CHCHD3: variants seen among roughly 807,000 people sequenced by gnomAD.
The protein encoded by CHCHD3 is coiled-coil-helix-coiled-coil-helix domain containing 3, also known as MICOS complex subunit MIC19.
Under a neutral mutation model 38.2 loss-of-function variants are expected in CHCHD3, and 20 were observed. The ratio of observed to expected loss-of-function variants is 0.52; its 90% CI spans 0.37 to 0.76. The LOEUF (loss-of-function observed/expected upper bound fraction) is 0.76. Among genes scored for constraint, CHCHD3 ranks in the 30% least tolerant of loss-of-function variants. CHCHD3 has a pLI of 0.00. For synonymous variants in CHCHD3, 82 were observed against 100.0 expected, an observed-to-expected ratio of 0.82 and a Z score of 1.07; for missense variants, 245 against 279.2, an observed-to-expected ratio of 0.88 and a Z score of 0.87.
chr7:132,975,181 C>T lies in CHCHD3; in HGVS notation c.357G>A (p.Lys119=). Residue 119 remains lysine (K), a synonymous_variant, in exon 4 of 8, where the codon AAG becomes AAA. Coordinates refer to ENST00000262570, the MANE Select transcript of CHCHD3 (RefSeq NM_017812.4). ...ERICSEEERA[K]AKHLARQLEE... is the part of the protein sequence containing the mutation. ...TTTTAATACTCACCAGGTGCTTTGC[C>T]TTAGCGCGTTCCTCCTCGCTACATA... 7 of 1,612,024 alleles carry T rather than the reference C, an allele frequency of 4.3e-6. No individual in the cohort carries two copies. Among genetic ancestry groups the T allele is most frequent in the East Asian group, 2.2e-5 (1 of 44,884 alleles).
chr7:132,992,641 C>T (rs1231823407), intron 3 of CHCHD3, among the ~76,000 whole-genome samples: 1 of 152,040 alleles, frequency 6.6e-6, no homozygotes, highest in Non-Finnish European at 1.5e-5. Flanking sequence ...ATTTTATACT[C>T]CTTATGTTAT....
At chr7:133,016,538 C>G (rs1296020925) in intron 3 of CHCHD3, among the ~76,000 whole-genome samples, 2 of 152,150 alleles carry the variant, frequency 1.3e-5, no homozygotes, top group Non-Finnish European at 2.9e-5. Context: ...TCCTGTTTAA[C>G]AGTTTGCTCC....
chr7:133,076,843 T>C (rs1278785449), intron 1 of CHCHD3, among the ~76,000 whole-genome samples: 1 of 152,182 alleles, frequency 6.6e-6, no homozygotes, highest in Non-Finnish European at 1.5e-5. Flanking sequence ...GACAAATAAA[T>C]CAGCCTCCTG....
chr7:133,015,672 T>G (rs1226734742), intron 3 of CHCHD3, among the ~76,000 whole-genome samples: 1 of 152,210 alleles, frequency 6.6e-6, no homozygotes, highest in East Asian at 1.9e-4. Flanking sequence ...AGTAATACTG[T>G]AGGGTGTTTA....
intron 4 of CHCHD3, among the ~76,000 whole-genome samples, chr7:132,923,432 C>G (rs1012166143): frequency 4.0e-5 from 6 of 151,894 alleles, no homozygotes; most frequent in African/African-American, 1.2e-4. Flanking sequence ...AGTAAATATG[C>G]CAAATATTCA....
chr7:133,048,007 T>G (rs2117494104), intron 2 of CHCHD3, among the ~76,000 whole-genome samples: 1 of 152,252 alleles, frequency 6.6e-6, no homozygotes, highest in African/African-American at 2.4e-5. Flanking sequence ...GAGAATCGCT[T>G]GAATGCGGGA....
intron 4 of CHCHD3, among the ~76,000 whole-genome samples, chr7:132,908,196 C>T (rs985279805): frequency 8.5e-5 from 13 of 152,246 alleles, no homozygotes; most frequent in Non-Finnish European, 1.5e-4. Context: ...TCTTGGTCTG[C>T]GGTTCAGAAT....
At chr7:133,016,038 T>G (rs1813021706) in intron 3 of CHCHD3, among the ~76,000 whole-genome samples, 1 of 152,066 alleles carries the variant, frequency 6.6e-6, no homozygotes, top group Non-Finnish European at 1.5e-5. Context: ...TGCTAAACCA[T>G]TAGAAACCAC....
chr7:132,975,251 G>T lies in CHCHD3; in HGVS notation c.287C>A (p.Ala96Asp). 6.2e-7 allele frequency: 1 copy of T among 1,613,074 alleles called. No homozygotes were observed. The highest frequency in any genetic ancestry group is 8.5e-7 in the Non-Finnish European group (1 of 1,179,976). Residue 96 changes from alanine (A) to aspartate (D), a missense_variant, in exon 4 of 8, where the codon GCT becomes GAT. Ala to Asp is a moderately radical substitution (Grantham distance 126). Coordinates refer to ENST00000262570, the MANE Select transcript of CHCHD3 (RefSeq NM_017812.4). Reference protein sequence around the residue: ...KQAKELDRERAAANEQLTRAI... With the variant: ...KQAKELDRERDAANEQLTRAI... ...TCTGGTTAACTGCTCATTGGCAGCAGCCCTCTCTCGGTCCAGCTCTTTGGC... is the reference window on the plus strand; with the variant it reads ...TCTGGTTAACTGCTCATTGGCAGCATCCCTCTCTCGGTCCAGCTCTTTGGC...
At chr7:132,902,601 A>C (rs1208206390) in intron 4 of CHCHD3, among the ~76,000 whole-genome samples, 1 of 152,198 alleles carries the variant, frequency 6.6e-6, no homozygotes, top group East Asian at 1.9e-4. Context: ...TCTCACTCAT[A>C]GGTGGGAACT....
chr7:133,067,333 A>G (rs563818093), intron 2 of CHCHD3, among the ~76,000 whole-genome samples: 1 of 152,366 alleles, frequency 6.6e-6, no homozygotes, highest in African/African-American at 2.4e-5. Flanking sequence ...AAATGTATCC[A>G]TATATCATCA....
chr7:133,020,472 A>C (rs1317852280), intron 3 of CHCHD3, among the ~76,000 whole-genome samples: 1 of 152,204 alleles, frequency 6.6e-6, no homozygotes, highest in Non-Finnish European at 1.5e-5. Flanking sequence ...ATGCCTAAAA[A>C]GGGCTTCTGC....
At chr7:132,875,244 T>A (rs1331267637) in intron 5 of CHCHD3, among the ~76,000 whole-genome samples, 2 of 152,144 alleles carry the variant, frequency 1.3e-5, no homozygotes, top group African/African-American at 4.8e-5. Flanking sequence ...AGAAATCTGT[T>A]CAGCTTTGTG....
At chr7:133,059,707 T>C (rs895615373) in intron 2 of CHCHD3, among the ~76,000 whole-genome samples, 1 of 152,180 alleles carries the variant, frequency 6.6e-6, no homozygotes, top group African/African-American at 2.4e-5. Flanking sequence ...GACCTGAAAC[T>C]GGCATTGTAT....
chr7:132,985,808 C>G (rs1221931012), intron 3 of CHCHD3, among the ~76,000 whole-genome samples: 1 of 104,128 alleles, frequency 9.6e-6, no homozygotes, highest in African/African-American at 3.6e-5. Context: ...CCCGGCCAGC[C>G]GCCCCGTCCG....
chr7:132,906,102 A>T (rs1220576951), intron 4 of CHCHD3, among the ~76,000 whole-genome samples: 3 of 152,248 alleles, frequency 2.0e-5, no homozygotes, highest in Non-Finnish European at 4.4e-5. Flanking sequence ...AGCTGGATTT[A>T]AAAATTCCAC....
At chr7:133,033,711 A>C (rs1282258492) in intron 2 of CHCHD3, among the ~76,000 whole-genome samples, 2 of 152,170 alleles carry the variant, frequency 1.3e-5, no homozygotes, top group Non-Finnish European at 2.9e-5. Flanking sequence ...TCTCTGCCTT[A>C]AGGTGCCCAA....
At chr7:132,837,091 A>G (rs1011551820) in intron 6 of CHCHD3, among the ~76,000 whole-genome samples, 22 of 152,322 alleles carry the variant, frequency 1.4e-4, no homozygotes, top group African/African-American at 5.3e-4. Flanking sequence ...TCAACTAAAA[A>G]GTCATCTTCT....
intron 5 of CHCHD3, among the ~76,000 whole-genome samples, chr7:132,879,939 G>T (rs1008050188): frequency 1.3e-5 from 2 of 151,918 alleles, no homozygotes; most frequent in Non-Finnish European, 2.9e-5. Context: ...TGCTGTAATC[G>T]CTAGGTAATA....
Sources: allele counts gnomAD v4.1 joint callset (sites outside exome capture counted in the v4.1 genomes callset), GRCh38; gene constraint gnomAD v4.1.1; transcripts MANE v1.5; gene names NCBI Gene and HGNC (gene_info 2026-07-23, HGNC 2026-07-21).